PPFIA3: variants seen among roughly 807,000 people sequenced by gnomAD.
PPFIA3 encodes PPFI scaffold protein A3, also known as liprin-alpha-3.
In PPFIA3, 26 loss-of-function variants were observed where a neutral mutation model predicts 145.8. The observed-to-expected ratio is 0.18, with a 90% CI of 0.13 to 0.25. PPFIA3 has a LOEUF of 0.25. Among genes scored for constraint, PPFIA3 ranks in the 10% least tolerant of loss-of-function variants. PPFIA3 has a pLI of 1.00. For missense variants in PPFIA3, 1,008 were observed against 1,587.8 expected (o/e 0.63, Z 6.21); for synonymous variants, 645 against 661.4 (o/e 0.98, Z 0.38).
intron 4 of PPFIA3, 53 bp downstream of exon 4, chr19:49,129,065 G>A: frequency 6.6e-7 from 1 of 1,517,256 alleles, no homozygotes; most frequent in Non-Finnish European, 8.9e-7. Context: ...AGTTGACTGG[G>A]GCTGTTCTGA....
chr19:49,124,719 C>G (rs186617579), intron 1 of PPFIA3, among the ~76,000 whole-genome samples: 1 of 152,258 alleles, frequency 6.6e-6, no homozygotes, highest in Admixed American at 6.5e-5. Context: ...GGCTCTGGAA[C>G]AGGCTCCCCA....
At chr19:49,146,413 AT>A in intron 23 of PPFIA3, 2 of 609,906 alleles carry the variant, frequency 3.3e-6, no homozygotes, top group Non-Finnish European at 5.8e-6. Flanking sequence ...AGTCAGCCTT[AT>A]GCATGGACCA....
chr19:49,138,467 G>A (rs776672021), intron 16 of PPFIA3, 40 bp downstream of exon 16: 3 of 1,456,424 alleles, frequency 2.1e-6, no homozygotes, highest in South Asian at 1.5e-5. Flanking sequence ...TAGGGGGATG[G>A]GGAGAGGTCA....
In PPFIA3 at chr19:49,133,047, A is replaced by G; in HGVS notation, c.926A>G (p.Glu309Gly). The G allele has an allele frequency of 6.2e-7, 1 of 1,612,956 alleles. No individual in the cohort carries two copies. The highest frequency in any genetic ancestry group is 8.5e-7 in the Non-Finnish European group (1 of 1,179,962). The change falls in exon 8 of 30, where the codon GAG (glutamate) becomes GGG (glycine). Residue 309 changes from glutamate to glycine, a missense_variant. This residue lies in a region of PPFIA3 where 109 missense variants were observed against 198.1 expected (regional missense o/e 0.55). Coordinates refer to ENST00000334186, the MANE Select transcript of PPFIA3 (RefSeq NM_003660.4). The surrounding 1 kb of genome is among the most constrained non-coding windows in gnomAD (Gnocchi z 7.2). ...ATGGAGGAGCGGATTACAACACTGG[A>G]GAAGCGCTACCTGAGCGCCCAGCGG... is the stretch of plus-strand genomic sequence containing the variant. ...EDMEERITTL[E>G]KRYLSAQREA...
At chr19:49,147,885 A>G (rs1372221812) in intron 23 of PPFIA3, among the ~76,000 whole-genome samples, 198 bp from the exon 24 acceptor site, 1 of 152,222 alleles carries the variant, frequency 6.6e-6, no homozygotes, top group Non-Finnish European at 1.5e-5. Context: ...CAACTGTTTG[A>G]GTAGCCAAGA....
chr19:49,127,508 A>AG (rs2041016268), intron 1 of PPFIA3, among the ~76,000 whole-genome samples: 1 of 148,676 alleles, frequency 6.7e-6, no homozygotes. Context: ...CTGAGTTGGG[A>AG]GGACTGCTCG....
rs1230270178 is a variant in PPFIA3, at chr19:49,129,473, CAG to C, written c.582+20_582+21del. On this transcript the variant is annotated intron_variant, in intron 5 of 29. Coordinates refer to ENST00000334186, the MANE Select transcript of PPFIA3 (RefSeq NM_003660.4). ...TCAGGAGGTGTGGGTGTGGCCAAGA[CAG>C]GGAATTTGAATCCAAGGGGAGGGGC... The C allele has an allele frequency of 6.4e-7, 1 of 1,551,264 alleles. No individual in the cohort carries two copies. The highest frequency in any genetic ancestry group is 1.4e-5 in the African/African-American group (1 of 73,268).
At chr19:49,127,080 C>CAAAAA (rs11304397) in intron 1 of PPFIA3, among the ~76,000 whole-genome samples, 2 of 69,830 alleles carry the variant, frequency 2.9e-5, no homozygotes. Context: ...CTCATCTCCA[C>CAAAAA]AAAAAAAAAA....
At chr19:49,135,640 G>C in intron 13 of PPFIA3, 139 bp from the exon 14 acceptor site, 1 of 885,492 alleles carries the variant, frequency 1.1e-6, no homozygotes. Flanking sequence ...AAAGTGCTGG[G>C]ATTGCAGGCT....
chr19:49,138,565 C>A, intron 16 of PPFIA3, 138 bp downstream of exon 16: 2 of 655,392 alleles, frequency 3.1e-6, no homozygotes, highest in Non-Finnish European at 4.5e-6. Context: ...AAGGTTCAAA[C>A]TCAAAGGGCA....
At chr19:49,134,186 TGCGGGAC>T in intron 11 of PPFIA3, 21 bp downstream of exon 11, 5 of 1,573,276 alleles carry the variant, frequency 3.2e-6, no homozygotes. Flanking sequence ...CATACAGGAC[TGCGGGAC>T]GCGGAATTCC....
At chr19:49,127,383 T>TAAAAAAAA (rs34030131) in intron 1 of PPFIA3, among the ~76,000 whole-genome samples, 2 of 28,604 alleles carry the variant, frequency 7.0e-5, no homozygotes, top group Admixed American at 4.6e-4. Flanking sequence ...TCACTCCAGC[T>TAAAAAAAA]AAAAAAAAAA....
chr19:49,126,732 G>A (rs12979213), intron 1 of PPFIA3, among the ~76,000 whole-genome samples: 1 of 151,976 alleles, frequency 6.6e-6, no homozygotes, highest in Admixed American at 6.6e-5. Flanking sequence ...CTAATCCTGG[G>A]TCCCTTGGCC....
In PPFIA3 at chr19:49,149,011, A is replaced by G; in HGVS notation, c.3128A>G (p.Asn1043Ser). 1.2e-6 allele frequency: 2 copies of G among 1,613,974 alleles called. No homozygotes were observed. Among genetic ancestry groups the G allele is most frequent in the Non-Finnish European group, 1.7e-6 (2 of 1,179,948 alleles). The change falls in exon 26 of 30, where the codon AAT (asparagine) becomes AGT (serine). Residue 1043 changes from asparagine to serine, a missense_variant. Transcript: ENST00000334186. The surrounding 1 kb of genome is among the most constrained non-coding windows in gnomAD (Gnocchi z 5.7). ...TQIRDVMVWSNERVMGWVSGL... is the reference protein window; with the variant it reads ...TQIRDVMVWSSERVMGWVSGL... ...TCCCCAGACGTGATGGTGTGGTCCA[A>G]TGAGCGGGTCATGGGTTGGGTGTCC...
intron 16 of PPFIA3, among the ~76,000 whole-genome samples, chr19:49,139,202 G>A (rs1015971725): frequency 6.6e-6 from 1 of 151,998 alleles, no homozygotes; most frequent in Non-Finnish European, 1.5e-5. Flanking sequence ...GTGTGGGCCT[G>A]TAGTCCCAGC....
intron 1 of PPFIA3, among the ~76,000 whole-genome samples, chr19:49,122,172 C>T (rs901411005): frequency 6.6e-5 from 10 of 151,482 alleles, no homozygotes; most frequent in Non-Finnish European, 2.9e-5. Context: ...CCTCTGCCTC[C>T]CGCGTTCAAG....
rs1412902519 is a variant in PPFIA3, at chr19:49,143,768, T to TTG, written c.2745+773_2745+774dup. Among the ~76,000 whole-genome samples the TTG allele has an allele frequency of 3.3e-5, 5 of 152,274 alleles. 1 individual carries two copies. The highest frequency in any genetic ancestry group is 3.3e-4 in the Admixed American group (5 of 15,296). On this transcript the variant is annotated intron_variant, in intron 21 of 29. Transcript: ENST00000334186. ...TCAAACTTTTGCTGTACTTGCTCTG[T>TTG]TGTGTGTGTGGGGTGGAGGCGGGGA...
intron 23 of PPFIA3, among the ~76,000 whole-genome samples, chr19:49,147,130 G>A (rs574230286): frequency 6.6e-6 from 1 of 152,280 alleles, no homozygotes; most frequent in East Asian, 1.9e-4. Context: ...CATTAGACAA[G>A]TATTTTCAGG....
intron 1 of PPFIA3, among the ~76,000 whole-genome samples, chr19:49,126,830 A>G (rs1179673214): frequency 1.3e-5 from 2 of 151,978 alleles, no homozygotes; most frequent in Non-Finnish European, 2.9e-5. Flanking sequence ...GTAGAGCCAG[A>G]ATAGGTAGAC....
Sources: gnomAD v4.1 joint callset for allele counts (sites outside exome capture counted in the v4.1 genomes callset) on GRCh38, gnomAD v4.1.1 for gene constraint, gnomAD v4.1.1 regional missense constraint, Gnocchi (gnomAD v3.1) non-coding constraint, MANE v1.5 for transcripts, NCBI Gene and HGNC (gene_info 2026-07-23, HGNC 2026-07-21) for gene names.